CBLC: variants seen among roughly 807,000 people sequenced by gnomAD.
CBLC encodes E3 ubiquitin-protein ligase CBL-C.
CBLC carries 46 observed loss-of-function variants against 58.6 expected under a neutral mutation model. The ratio of observed to expected loss-of-function variants is 0.79; its 90% CI spans 0.62 to 1.00. The LOEUF is 1.00. CBLC is among the 50% of genes least tolerant of loss of function. The probability of loss-of-function intolerance (pLI) is 0.00; values close to 1 mark genes in which losing one functional copy is unlikely to be tolerated. For missense variants in CBLC, 655 were observed against 625.8 expected (o/e 1.05, Z -0.50); for synonymous variants, 271 against 264.2 (o/e 1.03, Z -0.25).
intron 3 of CBLC, among the ~76,000 whole-genome samples, 172 bp from the exon 4 acceptor site, chr19:44,782,198 C>A (rs972789503): frequency 4.6e-5 from 7 of 151,994 alleles, no homozygotes; most frequent in Non-Finnish European, 1.0e-4. Flanking sequence ...AAGCTAGGGT[C>A]CCAAACTCCT....
intron 4 of CBLC, among the ~76,000 whole-genome samples, chr19:44,783,901 A>T (rs903995142): frequency 6.6e-6 from 1 of 152,190 alleles, no homozygotes; most frequent in African/African-American, 2.4e-5. Context: ...CCTCTGTAAG[A>T]AAGGGGGCAC....
intron 5 of CBLC, among the ~76,000 whole-genome samples, chr19:44,785,260 A>G (rs553088259): frequency 6.6e-6 from 1 of 151,772 alleles, no homozygotes; most frequent in Non-Finnish European, 1.5e-5. Context: ...GGCATGAGCC[A>G]CCATGCCCGG....
chr19:44,793,613 TGGGGCAGGTGAGCA>T lies in CBLC; in HGVS notation c.1281_1284+10del. On this transcript the variant is annotated splice_donor_variant and splice_donor_5th_base_variant and coding_sequence_variant and intron_variant, in exon 8 of 11. Transcript: ENST00000647358. LOFTEE classifies it high-confidence loss of function. The stretch of plus-strand genomic sequence containing the variant: ...GACCAGGAAGGCAGGGAGTTGGAGC[TGGGGCAGGTGAGCA>T]GGGCCAGCCGGGAGCTGGAATCCAA... The T allele has an allele frequency of 6.2e-7, 1 of 1,600,580 alleles. No homozygotes were observed. The highest frequency in any genetic ancestry group is 8.5e-7 in the Non-Finnish European group (1 of 1,175,140).
chr19:44,779,318 C>G (rs1450247658), intron 1 of CBLC, among the ~76,000 whole-genome samples: 1 of 152,120 alleles, frequency 6.6e-6, no homozygotes, highest in Non-Finnish European at 1.5e-5. Flanking sequence ...CCCAAAGAAA[C>G]TGATCATTAG....
rs775969330 is a variant in CBLC, at chr19:44,778,141, CG to C, written c.215del (p.Gly72ValfsTer207). On this transcript the variant is annotated frameshift_variant, in exon 1 of 11. Coordinates refer to ENST00000647358, the MANE Select transcript of CBLC (RefSeq NM_012116.4). LOFTEE classifies it high-confidence loss of function. ...SRRAAGGGGP[G>X]GPGGSGDFLL... ...GGCGGGCGGCCGGCGGAGGCGGCCCCGGGGGTCCCGGCGGCTCTGGGGACTT... is the reference window on the plus strand; with the variant it reads ...GGCGGGCGGCCGGCGGAGGCGGCCCCGGGGTCCCGGCGGCTCTGGGGACTT... The C allele has an allele frequency of 5.0e-6, 8 of 1,588,722 alleles. No individual in the cohort carries two copies. The East Asian group carries it at 1.4e-4, about 27-fold the overall frequency.
intron 5 of CBLC, among the ~76,000 whole-genome samples, chr19:44,786,069 A>C (rs1488585516): frequency 1.3e-5 from 2 of 151,956 alleles, no homozygotes; most frequent in South Asian, 2.1e-4. Context: ...CACAGTGCTC[A>C]GATTACAGGT....
In CBLC at chr19:44,800,424, A is replaced by C. The variant is rs1968270267; in HGVS notation, c.1406A>C (p.Gln469Pro). The C allele has an allele frequency of 6.2e-7, 1 of 1,613,008 alleles. No individual in the cohort carries two copies. The highest frequency in any genetic ancestry group is 8.5e-7 in the Non-Finnish European group (1 of 1,179,174). Reference protein sequence around the residue: ...GNSPPAALGPQDPAPA With the variant: ...GNSPPAALGPPDPAPA ...TCCCCTCCAGCTGCGCTGGGACCCC[A>C]GGACCCTGCCCCGGCCTGAAGGCCA... Residue 469 changes from glutamine (Q) to proline (P), a missense_variant, in exon 10 of 11, where the codon CAG (glutamine) becomes CCG (proline). By Grantham distance (76) the Gln-to-Pro change is moderately conservative. This residue lies in a region of CBLC where 371 missense variants were observed against 370.8 expected (regional missense o/e 1.00). Coordinates refer to ENST00000647358, the MANE Select transcript of CBLC (RefSeq NM_012116.4).
At chr19:44,784,230 T>C (rs1417193001) in intron 4 of CBLC, 34 bp from the exon 5 acceptor site, 2 of 1,541,318 alleles carry the variant, frequency 1.3e-6, no homozygotes, top group Non-Finnish European at 1.8e-6. Flanking sequence ...CAGTGACCAC[T>C]CCCTCACCCC....
intron 6 of CBLC, among the ~76,000 whole-genome samples, chr19:44,791,837 AT>A (rs960301606): frequency 4.7e-5 from 7 of 148,182 alleles, no homozygotes; most frequent in East Asian, 3.9e-4. Flanking sequence ...TTGGTTTATT[AT>A]TTTTTTTTTA....
intron 4 of CBLC, among the ~76,000 whole-genome samples, chr19:44,784,062 A>T (rs1967819382): frequency 6.6e-6 from 1 of 152,166 alleles, no homozygotes; most frequent in South Asian, 2.1e-4. Context: ...TGTTTTTATC[A>T]TAAAAGAGCC....
At chr19:44,787,742 G>A (rs1023838677) in intron 5 of CBLC, among the ~76,000 whole-genome samples, 17 of 150,292 alleles carry the variant, frequency 1.1e-4, no homozygotes, top group Admixed American at 4.0e-4. Flanking sequence ...GCTTGAACCC[G>A]AGAGGCAGAG....
intron 3 of CBLC, 51 bp from the exon 4 acceptor site, chr19:44,782,319 T>A: frequency 6.2e-7 from 1 of 1,610,070 alleles, no homozygotes. Flanking sequence ...TACTTAGGGA[T>A]GTGAGCTGCT....
At position 44,800,432 on chromosome 19, in the gene CBLC, G is replaced by A. The variant is rs746139762; in HGVS notation, c.1414G>A (p.Ala472Thr). The change falls in exon 10 of 11, where the codon GCC becomes ACC. Residue 472 changes from alanine (A) to threonine (T), a missense_variant. By Grantham distance (58) the Ala-to-Thr change is moderately conservative (BLOSUM62 0). Around this residue, in one of 3 missense-constraint regions of CBLC, gnomAD observed 371 missense variants for 370.8 expected, o/e 1.00. Coordinates refer to ENST00000647358, the MANE Select transcript of CBLC (RefSeq NM_012116.4). The part of the protein sequence containing the change: ...PPAALGPQDP[A>T]PA ...AGCTGCGCTGGGACCCCAGGACCCTGCCCCGGCCTGAAGGCCAGGTGAGTC... is the reference window on the plus strand; with the variant it reads ...AGCTGCGCTGGGACCCCAGGACCCTACCCCGGCCTGAAGGCCAGGTGAGTC... 9.3e-6 allele frequency: 15 copies of A among 1,612,610 alleles called. No individual in the cohort carries two copies. In the East Asian group the frequency reaches 2.5e-4, roughly 26 times the overall value.
chr19:44,788,395 G>A (rs1967965393), intron 5 of CBLC, among the ~76,000 whole-genome samples: 1 of 151,636 alleles, frequency 6.6e-6, no homozygotes, highest in African/African-American at 2.4e-5. Context: ...CAGAGTGCTG[G>A]GATTCAGGCA....
Position 44,780,889 on chromosome 19 carries a change from T to C in CBLC, c.354-16T>C, listed in dbSNP as rs1390044116. 11 of 1,609,156 alleles carry C rather than the reference T, an allele frequency of 6.8e-6. No individual in the cohort carries two copies. The highest frequency in any genetic ancestry group is 9.3e-6 in the Non-Finnish European group (11 of 1,179,408). On this transcript the variant is annotated splice_polypyrimidine_tract_variant and intron_variant, in intron 1 of 10. Transcript: ENST00000647358. ...GGAGCCCCAAGGATAGCCAGAGTCC[T>C]TGCCCATCCCCACAGGCGACAGCTG... is the stretch of plus-strand genomic sequence containing the variant.
intron 7 of CBLC, among the ~76,000 whole-genome samples, chr19:44,793,207 G>A (rs1568563566): frequency 6.6e-6 from 1 of 152,108 alleles, no homozygotes; most frequent in East Asian, 1.9e-4. Flanking sequence ...GAAAGGCCTG[G>A]CCCGGAAGCT....
At chr19:44,797,903 A>G (rs116700999) in intron 9 of CBLC, among the ~76,000 whole-genome samples, 13,955 of 147,618 alleles carry the variant, frequency 0.095, 733 homozygotes, top group South Asian at 0.19. Context: ...TCCACACCCG[A>G]ATCATTTTTA....
At chr19:44,798,989 C>T (rs1968233399) in intron 9 of CBLC, among the ~76,000 whole-genome samples, 1 of 152,198 alleles carries the variant, frequency 6.6e-6, no homozygotes, top group Non-Finnish European at 1.5e-5. Flanking sequence ...CTGGGTCATT[C>T]CCATCTCCAA....
intron 5 of CBLC, 80 bp downstream of exon 5, chr19:44,784,481 C>T: frequency 7.9e-6 from 11 of 1,393,724 alleles, no homozygotes; most frequent in Non-Finnish European, 1.1e-5. Context: ...CTGCCGGTGG[C>T]CACCACGTTT....
Sources: allele counts gnomAD v4.1 joint callset (sites outside exome capture counted in the v4.1 genomes callset), GRCh38; gene constraint gnomAD v4.1.1; regional missense constraint gnomAD v4.1.1; transcripts MANE v1.5; gene names NCBI Gene and HGNC (gene_info 2026-07-23, HGNC 2026-07-21).